Variants in CLDND1 observed in about 807,000 individuals in gnomAD.
CLDND1 encodes the protein claudin domain containing 1.
In CLDND1, 13 loss-of-function variants were observed where a neutral mutation model predicts 26.3. The observed-to-expected ratio is 0.49, with a 90% CI of 0.32 to 0.78. CLDND1 has a LOEUF of 0.78. Among genes scored for constraint, CLDND1 ranks in the 30% least tolerant of loss-of-function variants. The probability of loss-of-function intolerance (pLI) is 0.03; values close to 1 mark genes in which losing one functional copy is unlikely to be tolerated. For missense variants in CLDND1, 289 were observed against 312.8 expected, an observed-to-expected ratio of 0.92 and a Z score of 0.57; for synonymous variants, 107 against 107.0, an observed-to-expected ratio of 1.00 and a Z score of 0.00.
chr3:98,519,047 T>C lies in CLDND1; in HGVS notation c.293-52A>G, dbSNP rs766696151. On this transcript the variant is annotated intron_variant, in intron 2 of 4. Coordinates refer to ENST00000341181, the MANE Select transcript of CLDND1 (RefSeq NM_001040181.2). ...TTTAATTATAAACATTTAACAAAAATCTCTTTCAGTAATTATTCTCTGAAG... is the reference window on the plus strand; with the variant it reads ...TTTAATTATAAACATTTAACAAAAACCTCTTTCAGTAATTATTCTCTGAAG... The C allele has an allele frequency of 2.1e-5, 22 of 1,055,718 alleles. No individual in the cohort carries two copies. The African/African-American group carries it at 3.3e-4, about 16-fold the overall frequency. The allele number at this position is 1,055,718 out of a possible 1,614,324, so 65.4% of individuals were successfully genotyped here. A position where few individuals can be genotyped will look rare whatever the true frequency, so the allele number is the denominator to read the frequency against.
chr3:98,521,872 A>T, intron 1 of CLDND1: 1 of 598,308 alleles, frequency 1.7e-6, no homozygotes, highest in Admixed American at 3.2e-5. Flanking sequence ...CACAGGAAAA[A>T]GAAGCAGTGG....
chr3:98,520,871 ATGAG>A (rs1280147345), intron 2 of CLDND1: 5 of 388,828 alleles, frequency 1.3e-5, no homozygotes, highest in Admixed American at 4.1e-5. Flanking sequence ...AAGTATTTTA[ATGAG>A]TGAGTAAATA....
Position 98,515,492 on chromosome 3 carries a change from A to G in CLDND1, c.*1167T>C, listed in dbSNP as rs987545436. The G allele has an allele frequency of 2.7e-6, 2 of 741,216 alleles. No homozygotes were observed. The highest frequency in any genetic ancestry group is 3.7e-5 in the African/African-American group (2 of 53,422). 45.9% of individuals were successfully genotyped at this position (741,216 alleles called of 1,614,324 possible). A position where few individuals can be genotyped will look rare whatever the true frequency, so the allele number is the denominator to read the frequency against. On this transcript the variant is annotated 3_prime_UTR_variant, in exon 5 of 5. Transcript: ENST00000341181. Reference sequence around the variant, plus strand: ...TCTATATACAATTGAGTCTCTTTTCATTTTTAATTTTATTTTTTAAAAAAG... The same window carrying G: ...TCTATATACAATTGAGTCTCTTTTCGTTTTTAATTTTATTTTTTAAAAAAG...
rs143722874 is a variant in CLDND1 at position 98,520,766 on chromosome 3, C to T, written c.292+367G>A. On this transcript the variant is annotated intron_variant, in intron 2 of 4. Transcript: ENST00000341181. ...AAGGACAATTTTTTGAGTTGATTTT[C>T]GATGGTAGTCCTTTTACTAGTTACC... 2.1e-4 allele frequency: 38 copies of T among 182,098 alleles called. No individual in the cohort carries two copies. In the East Asian group the frequency reaches 5.6e-3, roughly 27 times the overall value. The allele number at this position is 182,098 out of a possible 1,614,324, so 11.3% of individuals were successfully genotyped here. A position where few individuals can be genotyped will look rare whatever the true frequency, so the allele number is the denominator to read the frequency against.
At chr3:98,522,455 A>T in intron 1 of CLDND1, 1 of 869,306 alleles carries the variant, frequency 1.2e-6, no homozygotes, top group Non-Finnish European at 1.5e-6. Context: ...AGGAAAGATA[A>T]GAGCAATGAC....
intron 4 of CLDND1, 74 bp from the exon 5 acceptor site, chr3:98,516,953 T>C: frequency 6.2e-7 from 1 of 1,608,012 alleles, no homozygotes; most frequent in Non-Finnish European, 8.5e-7. Context: ...TCAGGCAATG[T>C]GACAGGGCAG....
chr3:98,521,090 A>T (rs1706388100), intron 2 of CLDND1, 43 bp downstream of exon 2: 1 of 1,546,380 alleles, frequency 6.5e-7, no homozygotes, highest in African/African-American at 1.4e-5. Context: ...TTTGTCTATT[A>T]TTAACCAGGT....
At chr3:98,520,558 C>T (rs887997154) in intron 2 of CLDND1, among the ~76,000 whole-genome samples, 3 of 151,372 alleles carry the variant, frequency 2.0e-5, no homozygotes, top group African/African-American at 7.3e-5. Flanking sequence ...ACCTAAAAAT[C>T]TAGTTTTTGG....
chr3:98,522,800 G>A, intron 1 of CLDND1, 49 bp downstream of exon 1: 1 of 1,613,490 alleles, frequency 6.2e-7, no homozygotes, highest in Non-Finnish European at 8.5e-7. Context: ...CCGGGAACAT[G>A]GAACCGCGAC....
At chr3:98,517,312 T>C in intron 3 of CLDND1, 123 bp from the exon 4 acceptor site, 3 of 1,118,032 alleles carry the variant, frequency 2.7e-6, no homozygotes, top group Non-Finnish European at 3.8e-6. Context: ...ATTTTAACAT[T>C]GAGGCCTCTT....
In CLDND1 at chr3:98,515,717, C is replaced by G. The variant is rs1706108449; in HGVS notation, c.*942G>C. ...AGGCAAGGAAAGGCACATCATATTA[C>G]CACAAGAAATAAAGACCATAGTTGG... On this transcript the variant is annotated 3_prime_UTR_variant, in exon 5 of 5. Transcript: ENST00000341181. 2.3e-6 allele frequency: 3 copies of G among 1,289,404 alleles called. No homozygotes were observed. The Admixed American group carries it at 6.9e-5, about 30-fold the overall frequency. The allele number at this position is 1,289,404 out of a possible 1,614,324, so 79.9% of individuals were successfully genotyped here.
In CLDND1 at chr3:98,521,395, T is replaced by C. The variant is rs765530436; in HGVS notation, c.30A>G (p.Val10=). The change falls in exon 2 of 5, where the codon GTA becomes GTG. Residue 10 remains valine (V), a synonymous_variant. Transcript: ENST00000341181. ...AAATGAGGCTAAGCACACAAGCAAT[T>C]ACAAATGCTGTAGCAAAACGGTTAT... MDNRFATAF[V]IACVLSLIST... 126 of 1,614,132 alleles carry C rather than the reference T, an allele frequency of 7.8e-5. No individual in the cohort carries two copies. The Middle Eastern group carries it at 2.6e-3, about 34-fold the overall frequency.
chr3:98,521,107 G>A, intron 2 of CLDND1, 26 bp downstream of exon 2: 1 of 1,585,772 alleles, frequency 6.3e-7, no homozygotes, highest in Non-Finnish European at 8.6e-7. Context: ...AGGTGAAGAA[G>A]ACAGAAGTTA....
Position 98,516,212 on chromosome 3 carries a change from C to T in CLDND1, c.*447G>A. On this transcript the variant is annotated 3_prime_UTR_variant, in exon 5 of 5. Coordinates refer to ENST00000341181, the MANE Select transcript of CLDND1 (RefSeq NM_001040181.2). ...ATCTTTGAAAACAGCACTAATACTG[C>T]TGGTTGACTGGCTATCTACAACAGC... The T allele has an allele frequency of 4.8e-6, 5 of 1,037,658 alleles. No homozygotes were observed. Among genetic ancestry groups the T allele is most frequent in the Non-Finnish European group, 5.8e-6 (5 of 861,788 alleles). 64.3% of individuals were successfully genotyped at this position (1,037,658 alleles called of 1,614,324 possible). A position where few individuals can be genotyped will look rare whatever the true frequency, so the allele number is the denominator to read the frequency against.
intron 2 of CLDND1, among the ~76,000 whole-genome samples, chr3:98,520,568 G>GTT (rs75322770): frequency 2.1e-5 from 3 of 144,788 alleles, no homozygotes; most frequent in East Asian, 2.0e-4. Flanking sequence ...CTAGTTTTTG[G>GTT]TTTTTTTTTT....
chr3:98,518,741 T>C (rs1706266337), intron 3 of CLDND1, 144 bp downstream of exon 3: 4 of 606,684 alleles, frequency 6.6e-6, no homozygotes, highest in Non-Finnish European at 1.2e-5. Context: ...ATCAACAGAA[T>C]AGAGTTCACT....
chr3:98,520,177 G>A (rs1352145259), intron 2 of CLDND1, among the ~76,000 whole-genome samples: 1 of 152,160 alleles, frequency 6.6e-6, no homozygotes, highest in Non-Finnish European at 1.5e-5. Context: ...ATGGAGACAT[G>A]CAATAAATTA....
intron 1 of CLDND1, chr3:98,521,817 C>T (rs537589197): frequency 1.2e-6 from 1 of 858,102 alleles, no homozygotes; most frequent in Admixed American, 2.2e-5. Flanking sequence ...AATTTTTGCA[C>T]GAGCTGCAGA....
rs1447157370 is a variant in CLDND1 at position 98,521,366 on chromosome 3, G to A, written c.59C>T (p.Thr20Ile). The stretch of plus-strand genomic sequence containing the variant: ...GCCAATGGAGGCTGCCATGTAGATG[G>A]TGGAAATGAGGCTAAGCACACAAGC... Reference protein sequence around the residue: ...VIACVLSLISTIYMAASIGTD... With the variant: ...VIACVLSLISIIYMAASIGTD... The change falls in exon 2 of 5, where the codon ACC (threonine) becomes ATC (isoleucine). Residue 20 changes from threonine (T) to isoleucine (I), a missense_variant. Physicochemically the swap from Thr to Ile is moderately conservative, Grantham distance 89 (BLOSUM62 -1). Coordinates refer to ENST00000341181, the MANE Select transcript of CLDND1 (RefSeq NM_001040181.2). 2.5e-6 allele frequency: 4 copies of A among 1,614,098 alleles called. No homozygotes were observed. The African/African-American group carries it at 5.3e-5, about 22-fold the overall frequency.
Sources: gnomAD v4.1 joint callset for allele counts (sites outside exome capture counted in the v4.1 genomes callset) on GRCh38, gnomAD v4.1.1 for gene constraint, MANE v1.5 for transcripts, NCBI Gene and HGNC (gene_info 2026-07-23, HGNC 2026-07-21) for gene names.